Variants in ZNF782 observed in about 807,000 individuals in gnomAD.
ZNF782 encodes the protein zinc finger protein 782.
In ZNF782, 12 loss-of-function variants were observed where a neutral mutation model predicts 13.0. That is an observed-to-expected ratio of 0.92 (90% CI 0.59 to 1.50). The LOEUF (loss-of-function observed/expected upper bound fraction) is 1.50, where lower values mean the gene tolerates loss of function less well. Among genes scored for constraint, ZNF782 ranks in the 40% most tolerant of loss-of-function variants. ZNF782 has a pLI of 0.00. For missense variants in ZNF782, 770 were observed against 822.9 expected, an observed-to-expected ratio of 0.94 and a Z score of 0.79; for synonymous variants, 284 against 283.0, an observed-to-expected ratio of 1.00 and a Z score of -0.04.
At chr9:96,929,668 TGG>T in the ZNF782 span, among the ~76,000 whole-genome samples, 19 of 150,088 alleles carry the variant, frequency 1.3e-4, no homozygotes, top group Non-Finnish European at 2.4e-4. Flanking sequence ...TTAACAGGGG[TGG>T]GGGCAGAATG....
upstream of ZNF782, among the ~76,000 whole-genome samples, chr9:96,877,721 T>C (rs933322772): frequency 1.3e-5 from 2 of 152,134 alleles, no homozygotes; most frequent in African/African-American, 4.8e-5. Context: ...CTGGTCTCCC[T>C]GCCTGGGGTC....
the ZNF782 span, among the ~76,000 whole-genome samples, chr9:96,931,535 G>A: frequency 1.3e-5 from 2 of 151,368 alleles, no homozygotes; most frequent in Non-Finnish European, 2.9e-5. Flanking sequence ...GGTGACTGGC[G>A]CCAGGCTCTC....
intron 5 of ZNF782, among the ~76,000 whole-genome samples, chr9:96,820,928 T>C (rs1264107552): frequency 6.6e-6 from 1 of 152,256 alleles, no homozygotes; most frequent in Non-Finnish European, 1.5e-5. Context: ...AAACCAGCTT[T>C]GTCTTTGTCC....
chr9:96,837,107 T>C (rs1387745714), intron 4 of ZNF782, among the ~76,000 whole-genome samples: 1 of 152,210 alleles, frequency 6.6e-6, no homozygotes, highest in Non-Finnish European at 1.5e-5. Context: ...TTTTGAGCAA[T>C]TTCCTTACTT....
In ZNF782 at chr9:96,827,811, T is replaced by C. The variant is rs547409131; in HGVS notation, c.143-630A>G. On this transcript the variant is annotated intron_variant, in intron 4 of 5. Transcript: ENST00000481138. ...CAAACAAAATATAAAAAATGGTAAT[T>C]AGGTTTTAGCCAAGAGGCAGTGCAG... 2.6e-5 allele frequency among the ~76,000 whole-genome samples: 4 copies of C among 152,206 alleles called. No homozygotes were observed. The South Asian group carries it at 8.3e-4, about 32-fold the overall frequency.
chr9:96,868,592 G>A (rs1165475881), intron 1 of ZNF782, among the ~76,000 whole-genome samples: 6 of 152,154 alleles, frequency 3.9e-5, no homozygotes, highest in Admixed American at 2.0e-4. Flanking sequence ...GTTTTTCTAC[G>A]TATTAAAATT....
chr9:96,830,032 T>C (rs1308969571), intron 4 of ZNF782, among the ~76,000 whole-genome samples: 2 of 152,080 alleles, frequency 1.3e-5, no homozygotes, highest in African/African-American at 2.4e-5. Context: ...ATATTCCAAA[T>C]TAGAAGCTGG....
In ZNF782 at chr9:96,816,383, C is replaced by T. The variant is rs1850168775; in HGVS notation, c.*1540G>A. On this transcript the variant is annotated 3_prime_UTR_variant, in exon 6 of 6. Transcript: ENST00000481138. ...TACAGCAATGTTGAGGTCTAAGAAA[C>T]ATAAAACAAATACCTGGTAAGTACC... 6.6e-6 allele frequency: 1 copy of T among 152,152 alleles called. No individual in the cohort carries two copies. Among genetic ancestry groups the T allele is most frequent in the African/African-American group, 2.4e-5 (1 of 41,448 alleles). 9.4% of individuals were successfully genotyped at this position (152,152 alleles called of 1,614,324 possible).
the ZNF782 span, among the ~76,000 whole-genome samples, chr9:96,920,654 C>A: frequency 2.7e-5 from 4 of 150,052 alleles, no homozygotes; most frequent in Non-Finnish European, 4.4e-5. Context: ...CAGTGGCTCA[C>A]GCCTGTAATC....
At chr9:96,896,793 C>T in the ZNF782 span, among the ~76,000 whole-genome samples, 684 of 152,264 alleles carry the variant, frequency 4.5e-3, 3 homozygotes, top group African/African-American at 0.016. Context: ...TTCAGGAGAT[C>T]CAATGGTGCT....
intron 3 of ZNF782, among the ~76,000 whole-genome samples, chr9:96,859,553 A>C (rs555193788): frequency 5.2e-4 from 79 of 152,322 alleles, no homozygotes; most frequent in Middle Eastern, 6.8e-3. Flanking sequence ...GGAAGGACTC[A>C]GTAATGGCAG....
intron 2 of ZNF782, among the ~76,000 whole-genome samples, chr9:96,860,898 T>A (rs1851695426): frequency 1.3e-5 from 2 of 152,226 alleles, no homozygotes; most frequent in Non-Finnish European, 2.9e-5. Context: ...TGCAGAAGAA[T>A]GAAACTAGAC....
the ZNF782 span, among the ~76,000 whole-genome samples, chr9:96,896,897 A>G: frequency 2.0e-5 from 3 of 152,236 alleles, no homozygotes; most frequent in Non-Finnish European, 4.4e-5. Flanking sequence ...GGAGCATGCC[A>G]TCTTCCGCTG....
chr9:96,841,903 G>A (rs183386555), intron 4 of ZNF782, among the ~76,000 whole-genome samples: 1 of 152,004 alleles, frequency 6.6e-6, no homozygotes, highest in Admixed American at 6.5e-5. Flanking sequence ...GATTAGAAAG[G>A]AAAGTAGTAA....
intron 4 of ZNF782, 113 bp downstream of exon 4, chr9:96,844,777 G>A (rs1455369559): frequency 6.7e-7 from 1 of 1,482,676 alleles, no homozygotes; most frequent in Non-Finnish European, 9.3e-7. Flanking sequence ...ATATAAAAAA[G>A]GAAAACCAGA....
chr9:96,933,107 A>G, the ZNF782 span, among the ~76,000 whole-genome samples: 1 of 150,402 alleles, frequency 6.6e-6, no homozygotes, highest in African/African-American at 2.5e-5. Context: ...GCTCCCGAGT[A>G]GCTGGGACTA....
chr9:96,879,436 G>A (rs965936763), upstream of ZNF782, among the ~76,000 whole-genome samples: 1 of 152,226 alleles, frequency 6.6e-6, no homozygotes, highest in African/African-American at 2.4e-5. Flanking sequence ...CCAGAAGGCA[G>A]AGCTTGCGGT....
chr9:96,933,415 G>C, the ZNF782 span: 1 of 152,060 alleles, frequency 6.6e-6, no homozygotes, highest in Admixed American at 6.6e-5. Flanking sequence ...CTGTCACCCA[G>C]GCTGGAGTGC....
At chr9:96,894,573 T>C in the ZNF782 span, 1 of 152,184 alleles carries the variant, frequency 6.6e-6, no homozygotes, top group African/African-American at 2.4e-5. Context: ...TTACCCAAAC[T>C]GTATTCAGAG....
Sources: gnomAD v4.1 joint callset for allele counts (sites outside exome capture counted in the v4.1 genomes callset) on GRCh38, gnomAD v4.1.1 for gene constraint, MANE v1.5 for transcripts, NCBI Gene and HGNC (gene_info 2026-07-23, HGNC 2026-07-21) for gene names.